The following EYS variants were observed in gnomAD, a reference collection of about 807,000 sequenced individuals.
The protein encoded by EYS is EGF-like photoreceptor maintenance factor, also known as protein eyes shut homolog.
Under a neutral mutation model 282.1 loss-of-function variants are expected in EYS, and 250 were observed. The observed-to-expected ratio is 0.89, with a 90% confidence interval of 0.80 to 0.98. EYS has a LOEUF of 0.98. Ranked by LOEUF, EYS falls within the 50% of genes least tolerant of loss-of-function variation. The probability of loss-of-function intolerance (pLI) is 0.00; values close to 1 mark genes in which losing one functional copy is unlikely to be tolerated. For missense variants in EYS, 4,016 were observed against 3,709.0 expected (o/e 1.08, Z -2.15); for synonymous variants, 1,355 against 1,282.9 (o/e 1.06, Z -1.20).
At chr6:64,738,627 A>C (rs1209650021) in intron 22 of EYS, among the ~76,000 whole-genome samples, 1 of 152,242 alleles carries the variant, frequency 6.6e-6, no homozygotes, top group Non-Finnish European at 1.5e-5. Flanking sequence ...ACAATAGAAA[A>C]TGAACAGTTT....
chr6:64,202,566 C>T (rs1421433948), intron 31 of EYS, among the ~76,000 whole-genome samples: 5 of 152,198 alleles, frequency 3.3e-5, no homozygotes, highest in Middle Eastern at 3.4e-3. Context: ...CATAGATAAT[C>T]GAAAACAGTA....
Position 65,550,143 on chromosome 6 carries a change from C to CTTTCT in EYS, c.-332-54151_-332-54150insAGAAA, listed in dbSNP as rs1562254227. ...AAGTTAGTATCTGACTCTACTATAT[C>CTTTCT]TTTTTTTTTTTTTTTTTTTTTTTTT... On this transcript the variant is annotated intron_variant, in intron 2 of 42. Transcript: ENST00000503581. Among the ~76,000 whole-genome samples the CTTTCT allele has an allele frequency of 3.9e-3, 23 of 5,958 alleles. 6 individuals carry two copies. The highest frequency in any genetic ancestry group is 5.8e-3 in the Admixed American group (2 of 344). 3.9% of individuals were successfully genotyped at this position (5,958 alleles called of 152,430 possible).
At chr6:64,661,034 C>T (rs1196523059) in intron 22 of EYS, among the ~76,000 whole-genome samples, 1 of 152,164 alleles carries the variant, frequency 6.6e-6, no homozygotes, top group East Asian at 1.9e-4. Flanking sequence ...GGTACCAAAA[C>T]AGAGATATAG....
rs547923313 is a variant in EYS, at chr6:65,248,394, G to A, written c.2023+47469C>T. ...GGCAGACCTGTCAGGAAGAGGAGAT[G>A]GGGGTGCATGGAAGTGAGCTTGTTG... On this transcript the variant is annotated intron_variant, in intron 12 of 42. Transcript: ENST00000503581. 2.0e-5 allele frequency among the ~76,000 whole-genome samples: 3 copies of A among 152,152 alleles called. No individual in the cohort carries two copies. The South Asian group carries it at 6.2e-4, about 32-fold the overall frequency.
chr6:64,535,777 T>C (rs755402348), intron 26 of EYS, among the ~76,000 whole-genome samples: 54 of 152,038 alleles, frequency 3.6e-4, no homozygotes, highest in Non-Finnish European at 6.0e-4. Context: ...ATTAAATTCA[T>C]TAAAACATTG....
chr6:64,819,353 T>A (rs999753598), intron 21 of EYS, among the ~76,000 whole-genome samples: 1 of 152,054 alleles, frequency 6.6e-6, no homozygotes, highest in African/African-American at 2.4e-5. Flanking sequence ...CATGACAAAA[T>A]TTTAAAAAAT....
intron 12 of EYS, among the ~76,000 whole-genome samples, chr6:65,213,030 T>A (rs1766212760): frequency 6.6e-6 from 1 of 152,172 alleles, no homozygotes; most frequent in Non-Finnish European, 1.5e-5. Flanking sequence ...TGTTTTTCTT[T>A]ATTTTTTTTT....
At chr6:64,574,949 T>C (rs1765834032) in intron 26 of EYS, among the ~76,000 whole-genome samples, 1 of 152,142 alleles carries the variant, frequency 6.6e-6, no homozygotes. Context: ...TATTTCCTTC[T>C]ATTACAGAAA....
At chr6:64,500,750 T>C (rs114056194) in intron 26 of EYS, among the ~76,000 whole-genome samples, 1 of 152,070 alleles carries the variant, frequency 6.6e-6, no homozygotes, top group Admixed American at 6.5e-5. Flanking sequence ...CCACAGAGAC[T>C]TAAATGGATT....
chr6:64,368,180 GA>G (rs1772242002), intron 29 of EYS, among the ~76,000 whole-genome samples: 1 of 152,110 alleles, frequency 6.6e-6, no homozygotes, highest in Admixed American at 6.6e-5. Flanking sequence ...ACTTGTAAGT[GA>G]AAACATGTGG....
chr6:65,486,758 C>T (rs1051693806), intron 5 of EYS, among the ~76,000 whole-genome samples: 12 of 152,182 alleles, frequency 7.9e-5, no homozygotes, highest in South Asian at 2.1e-4. Flanking sequence ...TTTAGCCAAA[C>T]GTTCTAAAGA....
intron 26 of EYS, among the ~76,000 whole-genome samples, chr6:64,445,584 T>C (rs59328154): frequency 1.8e-3 from 274 of 152,284 alleles, no homozygotes; most frequent in African/African-American, 6.3e-3. Context: ...GGTTTTCAGA[T>C]GGATGTATGT....
chr6:64,360,743 C>T (rs547695199), intron 29 of EYS, among the ~76,000 whole-genome samples: 2 of 151,744 alleles, frequency 1.3e-5, no homozygotes, highest in East Asian at 3.9e-4. Flanking sequence ...TGCAGTTGGG[C>T]CTGCTGAATG....
chr6:65,340,109 A>C (rs560139446), intron 10 of EYS, among the ~76,000 whole-genome samples: 53 of 151,224 alleles, frequency 3.5e-4, no homozygotes, highest in African/African-American at 1.2e-3. Flanking sequence ...CTGGATTAAG[A>C]CCTAGTCATA....
intron 8 of EYS, among the ~76,000 whole-genome samples, chr6:65,383,504 C>A (rs1765691394): frequency 6.6e-6 from 1 of 151,346 alleles, no homozygotes. Context: ...ATGAGGAATG[C>A]TTATCAAAAC....
At chr6:63,788,773 A>G (rs1258488098) in intron 38 of EYS, among the ~76,000 whole-genome samples, 1 of 152,172 alleles carries the variant, frequency 6.6e-6, no homozygotes, top group Non-Finnish European at 1.5e-5. Context: ...AATACTGGCC[A>G]TTGTTCTCTT....
chr6:65,046,027 G>A (rs1182647294), intron 13 of EYS, among the ~76,000 whole-genome samples: 1 of 151,618 alleles, frequency 6.6e-6, no homozygotes, highest in Non-Finnish European at 1.5e-5. Flanking sequence ...TCCCTCTTAA[G>A]CAACAGTTTT....
intron 36 of EYS, among the ~76,000 whole-genome samples, chr6:63,855,034 T>C (rs1772355482): frequency 6.6e-6 from 1 of 152,256 alleles, no homozygotes; most frequent in Non-Finnish European, 1.5e-5. Flanking sequence ...TAGACTGGTA[T>C]ACTCTTTGAA....
intron 7 of EYS, among the ~76,000 whole-genome samples, chr6:65,393,276 A>G (rs1364629803): frequency 6.6e-6 from 1 of 152,194 alleles, no homozygotes; most frequent in Non-Finnish European, 1.5e-5. Flanking sequence ...TACATACGTA[A>G]CTAACCTGTA....
Sources: allele counts gnomAD v4.1 joint callset (sites outside exome capture counted in the v4.1 genomes callset), GRCh38; gene constraint gnomAD v4.1.1; transcripts MANE v1.5; gene names NCBI Gene and HGNC (gene_info 2026-07-23, HGNC 2026-07-21).